Variants in GRID2 observed in about 807,000 individuals in gnomAD.
GRID2 encodes glutamate ionotropic receptor delta type subunit 2, also known as glutamate receptor ionotropic, delta-2.
GRID2 carries 33 observed loss-of-function variants against 114.8 expected under a neutral mutation model. That is an observed-to-expected ratio of 0.29 (90% CI 0.22 to 0.38). The LOEUF (loss-of-function observed/expected upper bound fraction) is 0.38, where lower values mean the gene tolerates loss of function less well. Ranked by LOEUF, GRID2 falls within the 10% of genes least tolerant of loss-of-function variation. The pLI, the probability that GRID2 is intolerant of heterozygous loss-of-function variation, is 1.00. For synonymous variants in GRID2, 505 were observed against 449.9 expected (o/e 1.12, Z -1.55); for missense variants, 1,184 against 1,257.7 (o/e 0.94, Z 0.89).
chr4:93,548,033 T>C (rs1306243796), intron 13 of GRID2, among the ~76,000 whole-genome samples: 1 of 151,944 alleles, frequency 6.6e-6, no homozygotes, highest in Non-Finnish European at 1.5e-5. Flanking sequence ...AAAAATTAGC[T>C]GGGCACGGTG....
chr4:92,637,371 T>G (rs1182710207), intron 2 of GRID2, among the ~76,000 whole-genome samples: 1 of 152,044 alleles, frequency 6.6e-6, no homozygotes, highest in East Asian at 1.9e-4. Flanking sequence ...TAACTAAAAG[T>G]GGCATGTTAG....
chr4:92,439,632 G>C lies in GRID2; in HGVS notation c.88+134888G>C, dbSNP rs10210962. On this transcript the variant is annotated intron_variant, in intron 1 of 15. Transcript: ENST00000282020. ...GGGGATGTAAGAAGAAACATTTGTC[G>C]TATAGAATGATTGGTGATGGCCTGG... Among the ~76,000 whole-genome samples the C allele has an allele frequency of 2.2e-5, 3 of 138,856 alleles. 1 individual carries two copies. In the East Asian group the frequency reaches 6.2e-4, roughly 29 times the overall value. 91.1% of individuals were successfully genotyped at this position (138,856 alleles called of 152,430 possible). A position where few individuals can be genotyped will look rare whatever the true frequency, so the allele number is the denominator to read the frequency against.
At chr4:93,146,492 A>G (rs1228216897) in intron 4 of GRID2, among the ~76,000 whole-genome samples, 1 of 152,144 alleles carries the variant, frequency 6.6e-6, no homozygotes, top group Non-Finnish European at 1.5e-5. Context: ...ATCTTCTTAA[A>G]ATGGAATTTA....
rs555076348 is a variant in GRID2 at position 92,442,970 on chromosome 4, G to A, written c.88+138226G>A. Among the ~76,000 whole-genome samples, 207 of 152,110 alleles carry A rather than the reference G, an allele frequency of 1.4e-3. 1 individual carries two copies. Among genetic ancestry groups the A allele is most frequent in the South Asian group, 8.3e-3 (40 of 4,804 alleles). On this transcript the variant is annotated intron_variant, in intron 1 of 15. Coordinates refer to ENST00000282020, the MANE Select transcript of GRID2 (RefSeq NM_001510.4). Reference sequence around the variant, plus strand: ...TAAAAAGATTATAGGGTGGAGGAGCGGAGGCTGAGGAAGAATTGGGACCTA... The same window carrying A: ...TAAAAAGATTATAGGGTGGAGGAGCAGAGGCTGAGGAAGAATTGGGACCTA...
intron 4 of GRID2, among the ~76,000 whole-genome samples, chr4:93,128,191 A>C (rs1188009304): frequency 6.6e-6 from 1 of 152,092 alleles, no homozygotes; most frequent in Non-Finnish European, 1.5e-5. Context: ...GCGAGCTTGT[A>C]CTGTGAACTT....
intron 11 of GRID2, among the ~76,000 whole-genome samples, chr4:93,459,853 C>A: frequency 6.6e-6 from 1 of 152,188 alleles, no homozygotes; most frequent in East Asian, 1.9e-4. Context: ...CCACCACCAA[C>A]CATTCAGACT....
chr4:92,691,542 G>A (rs755223536), intron 2 of GRID2, among the ~76,000 whole-genome samples: 8 of 152,104 alleles, frequency 5.3e-5, no homozygotes, highest in East Asian at 1.9e-4. Context: ...CTCATTGTGC[G>A]GTATCCAGTA....
intron 2 of GRID2, among the ~76,000 whole-genome samples, chr4:92,945,351 C>G (rs971745369): frequency 1.3e-5 from 2 of 152,002 alleles, no homozygotes; most frequent in African/African-American, 2.4e-5. Context: ...AGAATAATAC[C>G]AACCATTTCA....
intron 2 of GRID2, among the ~76,000 whole-genome samples, chr4:92,888,154 T>C (rs1746503189): frequency 6.6e-6 from 1 of 152,160 alleles, no homozygotes; most frequent in South Asian, 2.1e-4. Flanking sequence ...TGTTATTTCA[T>C]CTTTCTCAAC....
intron 2 of GRID2, among the ~76,000 whole-genome samples, chr4:93,027,043 A>G (rs1723945321): frequency 1.3e-5 from 2 of 151,204 alleles, no homozygotes; most frequent in Admixed American, 6.6e-5. Context: ...TTCCAAATAC[A>G]TTGGCAAATC....
At chr4:92,555,288 A>G (rs1726796782) in intron 1 of GRID2, among the ~76,000 whole-genome samples, 1 of 152,166 alleles carries the variant, frequency 6.6e-6, no homozygotes, top group South Asian at 2.1e-4. Flanking sequence ...CACTAAATGT[A>G]TGTAGGGTTA....
chr4:93,632,933 A>G (rs920081994), intron 14 of GRID2, among the ~76,000 whole-genome samples: 1 of 152,136 alleles, frequency 6.6e-6, no homozygotes. Flanking sequence ...GGTCCTTCAC[A>G]TCCCTTGTAA....
At chr4:93,536,412 T>G (rs1256114872) in intron 13 of GRID2, among the ~76,000 whole-genome samples, 2 of 151,748 alleles carry the variant, frequency 1.3e-5, no homozygotes, top group African/African-American at 4.8e-5. Context: ...GCATATACAG[T>G]CAACTAATTT....
intron 4 of GRID2, among the ~76,000 whole-genome samples, chr4:93,153,766 T>A (rs927674508): frequency 6.6e-6 from 1 of 152,110 alleles, no homozygotes; most frequent in Non-Finnish European, 1.5e-5. Flanking sequence ...GTATAACTGA[T>A]TTTAGTTTTC....
chr4:92,398,184 T>C (rs1730600491), intron 1 of GRID2, among the ~76,000 whole-genome samples: 1 of 152,130 alleles, frequency 6.6e-6, no homozygotes, highest in South Asian at 2.1e-4. Flanking sequence ...GAAGATGGAA[T>C]ATCTATATAT....
chr4:93,754,907 C>T (rs1303546253), intron 14 of GRID2, among the ~76,000 whole-genome samples: 3 of 152,170 alleles, frequency 2.0e-5, no homozygotes, highest in Non-Finnish European at 4.4e-5. Context: ...ATAAAGAGAC[C>T]AGCCTCTTGG....
intron 8 of GRID2, among the ~76,000 whole-genome samples, chr4:93,264,518 T>A (rs1750585168): frequency 6.6e-6 from 1 of 151,524 alleles, no homozygotes; most frequent in East Asian, 1.9e-4. Flanking sequence ...ACTGAAAATC[T>A]CTTGGGTATG....
intron 1 of GRID2, among the ~76,000 whole-genome samples, chr4:92,498,325 G>T (rs1197813659): frequency 3.3e-5 from 5 of 151,732 alleles, no homozygotes; most frequent in Non-Finnish European, 1.5e-5. Flanking sequence ...TTATTTAGAA[G>T]AAATCTAAAA....
At chr4:93,675,340 T>G (rs947867090) in intron 14 of GRID2, among the ~76,000 whole-genome samples, 3 of 152,180 alleles carry the variant, frequency 2.0e-5, no homozygotes, top group Non-Finnish European at 4.4e-5. Flanking sequence ...ATAAAATCAT[T>G]TATAACATAA....
Sources: allele counts gnomAD v4.1 joint callset (sites outside exome capture counted in the v4.1 genomes callset), GRCh38; gene constraint gnomAD v4.1.1; transcripts MANE v1.5; gene names NCBI Gene and HGNC (gene_info 2026-07-23, HGNC 2026-07-21).